Variants in RALYL observed in about 807,000 individuals in gnomAD.
The protein encoded by RALYL is RNA-binding Raly-like protein.
A neutral mutation model predicts 35.1 loss-of-function variants in RALYL; 29 were observed. The ratio of observed to expected loss-of-function variants is 0.83; its 90% CI spans 0.61 to 1.13. RALYL has a LOEUF of 1.13. Ranked by LOEUF, RALYL falls within the 50% of genes most tolerant of loss-of-function variation. The pLI, the probability that RALYL is intolerant of heterozygous loss-of-function variation, is 0.00. For missense variants in RALYL, 359 were observed against 360.4 expected, an observed-to-expected ratio of 1.00 and a Z score of 0.03; for synonymous variants, 120 against 127.6, an observed-to-expected ratio of 0.94 and a Z score of 0.40.
At chr8:84,799,159 G>C (rs925604121) in intron 3 of RALYL, among the ~76,000 whole-genome samples, 20 of 152,292 alleles carry the variant, frequency 1.3e-4, no homozygotes, top group African/African-American at 4.6e-4. Flanking sequence ...CTAGGTACTT[G>C]AAATACAGTT....
At chr8:84,645,523 C>T (rs1194910744) in intron 2 of RALYL, among the ~76,000 whole-genome samples, 1 of 151,802 alleles carries the variant, frequency 6.6e-6, no homozygotes, top group Non-Finnish European at 1.5e-5. Flanking sequence ...TCTCCTTTTC[C>T]ATGTTTTCTT....
intron 1 of RALYL, among the ~76,000 whole-genome samples, chr8:84,260,232 C>T (rs145851330): frequency 0.019 from 2,890 of 152,150 alleles, 42 homozygotes; most frequent in Non-Finnish European, 0.031. Flanking sequence ...CCTCCAGAAC[C>T]TAAAATAAAA....
At chr8:84,648,491 G>A (rs1827971335) in intron 2 of RALYL, among the ~76,000 whole-genome samples, 1 of 152,052 alleles carries the variant, frequency 6.6e-6, no homozygotes, top group Non-Finnish European at 1.5e-5. Context: ...GTTTGCTGAA[G>A]ATAATCTTTT....
intron 7 of RALYL, among the ~76,000 whole-genome samples, chr8:84,883,908 AAC>A (rs972388374): frequency 3.3e-4 from 50 of 152,196 alleles, no homozygotes; most frequent in Admixed American, 2.5e-3. Flanking sequence ...CAGTTTAAAA[AAC>A]ACAGTCACAT....
chr8:84,860,115 A>G (rs538844857), intron 5 of RALYL, among the ~76,000 whole-genome samples: 1 of 152,352 alleles, frequency 6.6e-6, no homozygotes, highest in African/African-American at 2.4e-5. Flanking sequence ...AGAAATATTG[A>G]TAAACATTTT....
At chr8:84,769,431 C>T (rs1158271418) in intron 2 of RALYL, among the ~76,000 whole-genome samples, 1 of 152,142 alleles carries the variant, frequency 6.6e-6, no homozygotes, top group Non-Finnish European at 1.5e-5. Flanking sequence ...AATATACCAG[C>T]TCACAATCTG....
rs528259453 is a variant in RALYL at position 84,738,628 on chromosome 8, G to C, written c.257-35951G>C. On this transcript the variant is annotated intron_variant, in intron 2 of 8. Transcript: ENST00000521268. Reference sequence around the variant, plus strand: ...GCAGCTACATCTTCAGCATAGCATCGTTATATATTACTATCAACATGAGCA... The same window carrying C: ...GCAGCTACATCTTCAGCATAGCATCCTTATATATTACTATCAACATGAGCA... 9.9e-4 allele frequency among the ~76,000 whole-genome samples: 150 copies of C among 152,000 alleles called. 3 individuals are homozygous for C. The South Asian group carries it at 0.012, about 12-fold the overall frequency.
At position 84,200,131 on chromosome 8, in the gene RALYL, G is replaced by A. The variant is rs182747279; in HGVS notation, c.-24+15707G>A. On this transcript the variant is annotated intron_variant, in intron 1 of 8. Coordinates refer to ENST00000521268, the MANE Select transcript of RALYL (RefSeq NM_173848.7). Reference sequence around the variant, plus strand: ...CAAAGTTTTCTGCTTTTACTCGTTTGAGCTTCTGTAACAGTATTAGTGTAG... The same window carrying A: ...CAAAGTTTTCTGCTTTTACTCGTTTAAGCTTCTGTAACAGTATTAGTGTAG... Among the ~76,000 whole-genome samples the A allele has an allele frequency of 6.5e-3, 988 of 152,214 alleles. 12 individuals are homozygous for A. The highest frequency in any genetic ancestry group is 0.01 in the Non-Finnish European group (706 of 67,980).
intron 1 of RALYL, among the ~76,000 whole-genome samples, chr8:84,439,835 A>G (rs138961893): frequency 6.6e-5 from 10 of 152,208 alleles, no homozygotes; most frequent in Non-Finnish European, 1.5e-4. Flanking sequence ...ATTTCTTTAT[A>G]ATTAAAAAAT....
At chr8:84,594,545 G>C (rs1053442739) in intron 2 of RALYL, among the ~76,000 whole-genome samples, 5 of 151,842 alleles carry the variant, frequency 3.3e-5, no homozygotes, top group Non-Finnish European at 5.9e-5. Context: ...TGGGAGCAGA[G>C]AGCTAAAGCA....
intron 1 of RALYL, among the ~76,000 whole-genome samples, chr8:84,251,565 A>C (rs78769646): frequency 6.6e-6 from 1 of 152,120 alleles, no homozygotes; most frequent in Non-Finnish European, 1.5e-5. Context: ...CCCATTAAAA[A>C]ACATTCCACT....
At chr8:84,315,521 G>C (rs1474150386) in intron 1 of RALYL, among the ~76,000 whole-genome samples, 1 of 152,054 alleles carries the variant, frequency 6.6e-6, no homozygotes, top group Non-Finnish European at 1.5e-5. Context: ...GAGAATTGTA[G>C]GTTAGGAAAC....
At chr8:84,587,656 C>T (rs1812303515) in intron 2 of RALYL, among the ~76,000 whole-genome samples, 1 of 152,074 alleles carries the variant, frequency 6.6e-6, no homozygotes, top group South Asian at 2.1e-4. Flanking sequence ...CTACAATATG[C>T]ATAGCATACT....
intron 1 of RALYL, among the ~76,000 whole-genome samples, chr8:84,299,323 T>C (rs546730494): frequency 1.3e-5 from 2 of 152,258 alleles, no homozygotes; most frequent in East Asian, 3.9e-4. Context: ...GAAGCCTACT[T>C]GATCGTGGTG....
intron 1 of RALYL, among the ~76,000 whole-genome samples, chr8:84,230,875 G>A (rs1272316374): frequency 1.3e-5 from 2 of 152,218 alleles, no homozygotes; most frequent in African/African-American, 4.8e-5. Flanking sequence ...AAATAGCGCA[G>A]TTGGTACTTA....
rs138496503 is a variant in RALYL at position 84,446,882 on chromosome 8, A to T, written c.-23-82417A>T. ...CTGTAAGGCCAAAAGCATTTTGGCA[A>T]TGCCATACTGATAGGTAATATGAGA... is the stretch of plus-strand genomic sequence containing the variant. On this transcript the variant is annotated intron_variant, in intron 1 of 8. Coordinates refer to ENST00000521268, the MANE Select transcript of RALYL (RefSeq NM_173848.7). Among the ~76,000 whole-genome samples, 217 of 152,242 alleles carry T rather than the reference A, an allele frequency of 1.4e-3. 1 individual carries two copies. Among genetic ancestry groups the T allele is most frequent in the African/African-American group, 4.9e-3 (203 of 41,558 alleles).
chr8:84,639,347 G>A (rs1021516901), intron 2 of RALYL, among the ~76,000 whole-genome samples: 1 of 151,782 alleles, frequency 6.6e-6, no homozygotes, highest in African/African-American at 2.4e-5. Flanking sequence ...CCCCTGCCTG[G>A]CATGGTCTTA....
At chr8:84,480,978 G>A (rs1328355269) in intron 1 of RALYL, among the ~76,000 whole-genome samples, 1 of 152,058 alleles carries the variant, frequency 6.6e-6, no homozygotes, top group Non-Finnish European at 1.5e-5. Context: ...CTATTTTAAT[G>A]TTTAGTATTA....
At chr8:84,797,030 G>C (rs1459068048) in intron 3 of RALYL, among the ~76,000 whole-genome samples, 1 of 152,198 alleles carries the variant, frequency 6.6e-6, no homozygotes. Flanking sequence ...CTATCACAGA[G>C]TAACACTGAC....
Sources: gnomAD v4.1 joint callset for allele counts (sites outside exome capture counted in the v4.1 genomes callset) on GRCh38, gnomAD v4.1.1 for gene constraint, MANE v1.5 for transcripts, NCBI Gene and HGNC (gene_info 2026-07-23, HGNC 2026-07-21) for gene names.